The following ABCA10 variants were observed in gnomAD, a reference collection of about 807,000 sequenced individuals.
ABCA10 encodes ATP-binding cassette sub-family A member 10.
ABCA10 carries 169 observed loss-of-function variants against 187.5 expected under a neutral mutation model. The ratio of observed to expected loss-of-function variants is 0.90; its 90% CI spans 0.80 to 1.02. The LOEUF (loss-of-function observed/expected upper bound fraction) is 1.02, where lower values mean the gene tolerates loss of function less well. Among genes scored for constraint, ABCA10 ranks in the 50% least tolerant of loss-of-function variants. ABCA10 has a pLI of 0.00. For missense variants in ABCA10, 1,727 were observed against 1,812.4 expected (o/e 0.95, Z 0.86); for synonymous variants, 574 against 601.8 (o/e 0.95, Z 0.68).
In ABCA10 at chr17:69,214,732, G is replaced by C. The variant is rs1187821210; in HGVS notation, c.978C>G (p.Phe326Leu). 1 of 1,514,290 alleles carries C rather than the reference G, an allele frequency of 6.6e-7. No individual in the cohort carries two copies. Among genetic ancestry groups the C allele is most frequent in the Non-Finnish European group, 8.8e-7 (1 of 1,139,628 alleles). The allele number at this position is 1,514,290 out of a possible 1,614,324, so 93.8% of individuals were successfully genotyped here. Residue 326 changes from phenylalanine (F) to leucine (L), a missense_variant, in exon 9 of 39, where the codon TTC becomes TTG. Physicochemically the swap from Phe to Leu is conservative, Grantham distance 22. Coordinates refer to ENST00000690296, the MANE Select transcript of ABCA10 (RefSeq NM_001377321.1). ...LAFDTLFYLI[F>L]TLYFERVLPD... ...GTAAAACTCGCTCAAAATATAATGT[G>C]AATATCAAATAGAAAAGAGTATCAA...
intron 26 of ABCA10, 87 bp downstream of exon 26, chr17:69,164,877 T>C: frequency 7.0e-7 from 1 of 1,438,174 alleles, no homozygotes; most frequent in Non-Finnish European, 9.4e-7. Context: ...CAAAATTTTA[T>C]AAATGCACCT....
chr17:69,216,265 A>T lies in ABCA10; in HGVS notation c.624T>A (p.Thr208=), dbSNP rs773591550. The T allele has an allele frequency of 6.2e-7, 1 of 1,613,656 alleles. No individual in the cohort carries two copies. The highest frequency in any genetic ancestry group is 2.2e-5 in the East Asian group (1 of 44,818). Residue 208 remains threonine, a synonymous_variant, in exon 7 of 39, where the codon ACT becomes ACA. Coordinates refer to ENST00000690296, the MANE Select transcript of ABCA10 (RefSeq NM_001377321.1). ...VITSIPIVFH[T]GFMVIFTLYS... ...AGAGTGTGAATATCACCATGAAGCC[A>T]GTATGAAATACAATTGGGATTGATG... is the stretch of plus-strand genomic sequence containing the variant.
intron 22 of ABCA10, among the ~76,000 whole-genome samples, chr17:69,177,810 G>T (rs963371567): frequency 6.6e-6 from 1 of 150,630 alleles, no homozygotes; most frequent in African/African-American, 2.4e-5. Flanking sequence ...AAAAAAATTA[G>T]CCGGGTATGG....
intron 37 of ABCA10, among the ~76,000 whole-genome samples, chr17:69,149,524 C>T (rs1363116993): frequency 1.3e-5 from 2 of 152,152 alleles, no homozygotes; most frequent in Admixed American, 1.3e-4. Flanking sequence ...TGACTTGTTA[C>T]ACCTCACCCC....
At chr17:69,221,618 G>C (rs1431834140) in intron 5 of ABCA10, among the ~76,000 whole-genome samples, 174 bp downstream of exon 5, 1 of 152,138 alleles carries the variant, frequency 6.6e-6, no homozygotes, top group South Asian at 2.1e-4. Flanking sequence ...TAGTTTTACA[G>C]GGTTTATGTT....
At chr17:69,154,872 T>A (rs1427039995) in intron 30 of ABCA10, 147 bp downstream of exon 30, 7 of 545,594 alleles carry the variant, frequency 1.3e-5, no homozygotes, top group East Asian at 1.2e-4. Context: ...AAAAGACTTA[T>A]CTGCTGACAT....
chr17:69,167,168 T>G (rs1205512825), intron 25 of ABCA10, among the ~76,000 whole-genome samples: 1 of 152,188 alleles, frequency 6.6e-6, no homozygotes, highest in East Asian at 1.9e-4. Context: ...GACAGCACCC[T>G]TGCTAACCCA....
chr17:69,243,843 A>G (rs1227925980), intron 1 of ABCA10, among the ~76,000 whole-genome samples: 1 of 152,200 alleles, frequency 6.6e-6, no homozygotes, highest in Non-Finnish European at 1.5e-5. Context: ...GGCTGCAGTG[A>G]GCCGGGATTG....
chr17:69,201,536 G>T lies in ABCA10; in HGVS notation c.1139C>A (p.Pro380Gln). ...TTTTCCATGGAATTCTGGAGACACC[G>T]GTTCAAAAGAATCATCAGAGGAATG... ...PEHSSDDSFE[P>Q]VSPEFHGKEA... The change falls in exon 10 of 39, where the codon CCG (proline) becomes CAG (glutamine). Residue 380 changes from proline to glutamine, a missense_variant. Transcript: ENST00000690296. 1 of 1,604,150 alleles carries T rather than the reference G, an allele frequency of 6.2e-7. No individual in the cohort carries two copies. The highest frequency in any genetic ancestry group is 8.5e-7 in the Non-Finnish European group (1 of 1,176,736).
At chr17:69,203,505 C>T (rs8081003) in intron 9 of ABCA10, among the ~76,000 whole-genome samples, 110,308 of 151,978 alleles carry the variant, frequency 0.73, 40,393 homozygotes, top group African/African-American at 0.77. Flanking sequence ...CCAACTTCTA[C>T]ATAATTAACC....
At chr17:69,211,346 T>TATATATATATATC (rs2074655782) in intron 9 of ABCA10, among the ~76,000 whole-genome samples, 1 of 27,734 alleles carries the variant, frequency 3.6e-5, no homozygotes, top group Non-Finnish European at 8.1e-5. Flanking sequence ...TATATATATA[T>TATATATATATATC]ATATATATAT....
intron 3 of ABCA10, among the ~76,000 whole-genome samples, chr17:69,224,154 A>G (rs1485433321): frequency 2.0e-5 from 3 of 152,192 alleles, no homozygotes; most frequent in Non-Finnish European, 4.4e-5. Context: ...AACAATACCC[A>G]TTCGAAAGCT....
In ABCA10 at chr17:69,182,169, CT is replaced by C; in HGVS notation, c.2752del (p.Ser918AlafsTer9). On this transcript the variant is annotated frameshift_variant, in exon 22 of 39. Transcript: ENST00000690296. LOFTEE classifies it high-confidence loss of function. ...FNFTELIQMESTSFSRDDIVL... is the reference protein window; with the variant it reads ...FNFTELIQMEXTSFSRDDIVL... ...TCTACTTACACGAGAAAATGAAGTG[CT>C]CTCCATTTGAATAAGCTCCGTGAAG... 1 of 1,580,804 alleles carries C rather than the reference CT, an allele frequency of 6.3e-7. No homozygotes were observed. The highest frequency in any genetic ancestry group is 8.6e-7 in the Non-Finnish European group (1 of 1,163,868).
chr17:69,196,952 G>A (rs567686169), intron 11 of ABCA10, 112 bp downstream of exon 11: 11 of 778,548 alleles, frequency 1.4e-5, no homozygotes, highest in Admixed American at 1.1e-4. Context: ...GCAGTGAGCC[G>A]AGATGGCGGC....
At chr17:69,223,773 A>G (rs958618755) in intron 3 of ABCA10, 37 of 366,310 alleles carry the variant, frequency 1.0e-4, no homozygotes, top group African/African-American at 7.3e-4. Flanking sequence ...AGCAAGAGTT[A>G]GATAAATGTA....
chr17:69,200,211 A>G (rs7217887), intron 10 of ABCA10, among the ~76,000 whole-genome samples: 114,476 of 152,104 alleles, frequency 0.75, 43,703 homozygotes, highest in African/African-American at 0.86. Context: ...ACCTAGCAAT[A>G]GGCCATGTAA....
chr17:69,216,762 T>C (rs918702548), intron 6 of ABCA10, among the ~76,000 whole-genome samples: 3 of 152,132 alleles, frequency 2.0e-5, no homozygotes, highest in Admixed American at 6.5e-5. Flanking sequence ...CAATCTCCCC[T>C]TTAAACTTCC....
intron 22 of ABCA10, among the ~76,000 whole-genome samples, chr17:69,177,154 T>C (rs1177555685): frequency 6.6e-6 from 1 of 152,190 alleles, no homozygotes; most frequent in Non-Finnish European, 1.5e-5. Flanking sequence ...TCTAATATAC[T>C]AAGTCAAAAA....
rs1182782445 is a variant in ABCA10, at chr17:69,191,239, T to C, written c.1948A>G (p.Thr650Ala). 1.2e-6 allele frequency: 2 copies of C among 1,604,100 alleles called. No homozygotes were observed. Among genetic ancestry groups the C allele is most frequent in the South Asian group, 1.1e-5 (1 of 89,308 alleles). ...IKQHIPDAKLTTESEEKLVYS... is the reference protein window; with the variant it reads ...IKQHIPDAKLATESEEKLVYS... ...ACAAGTTTTTCTTCACTTTCTGTTG[T>C]TAACTTGGCATCAGGAATGTGCTGC... The change falls in exon 17 of 39, where the codon ACA becomes GCA. Residue 650 changes from threonine (T) to alanine (A), a missense_variant. Coordinates refer to ENST00000690296, the MANE Select transcript of ABCA10 (RefSeq NM_001377321.1).
Sources: allele counts gnomAD v4.1 joint callset (sites outside exome capture counted in the v4.1 genomes callset), GRCh38; gene constraint gnomAD v4.1.1; transcripts MANE v1.5; gene names NCBI Gene and HGNC (gene_info 2026-07-23, HGNC 2026-07-21).